KIF16B: variants seen among roughly 807,000 people sequenced by gnomAD.
The protein encoded by KIF16B is kinesin-like protein KIF16B.
In KIF16B, 98 loss-of-function variants were observed where a neutral mutation model predicts 156.3. The observed-to-expected ratio is 0.63, with a 90% CI of 0.53 to 0.74. The LOEUF is 0.74. KIF16B is among the 30% of genes least tolerant of loss of function. The pLI is 0.00. For synonymous variants in KIF16B, 564 were observed against 583.7 expected (o/e 0.97, Z 0.49); for missense variants, 1,421 against 1,606.5 (o/e 0.88, Z 1.97).
At chr20:16,536,968 A>G (rs1217457524) in intron 1 of KIF16B, among the ~76,000 whole-genome samples, 1 of 151,990 alleles carries the variant, frequency 6.6e-6, no homozygotes, top group East Asian at 1.9e-4. Context: ...TCAGTTACCT[A>G]GTCCCTTCCA....
chr20:16,312,511 G>A, intron 24 of KIF16B, 93 bp from the exon 25 acceptor site: 1 of 987,114 alleles, frequency 1.0e-6, no homozygotes, highest in Non-Finnish European at 1.5e-6. Flanking sequence ...CTTCCATGGG[G>A]TGAAAAGAAA....
Position 16,378,891 on chromosome 20 carries a change from G to C in KIF16B, c.3111C>G (p.Ala1037=), listed in dbSNP as rs1289986658. ...GCTCTCTGCTGCCACTGTTCAGACTGGCAAGTTTCTGCCTCTGCTCTTCAA... is the reference window on the plus strand; with the variant it reads ...GCTCTCTGCTGCCACTGTTCAGACTCGCAAGTTTCTGCCTCTGCTCTTCAA... The part of the protein sequence containing the change: ...MEIEEQRQKL[A]SLNSGSREQS... The change falls in exon 19 of 26, where the codon GCC becomes GCG. Residue 1037 remains alanine, a synonymous_variant. Coordinates refer to ENST00000354981, the MANE Select transcript of KIF16B (RefSeq NM_024704.5). 2 of 1,613,898 alleles carry C rather than the reference G, an allele frequency of 1.2e-6. No homozygotes were observed. The highest frequency in any genetic ancestry group is 1.7e-6 in the Non-Finnish European group (2 of 1,179,948).
At chr20:16,501,231 G>T (rs567912323) in intron 10 of KIF16B, among the ~76,000 whole-genome samples, 2 of 151,178 alleles carry the variant, frequency 1.3e-5, no homozygotes, top group South Asian at 4.2e-4. Flanking sequence ...ACTGATGGTG[G>T]TCTATTAACT....
At chr20:16,348,448 T>C (rs2064273934) in intron 23 of KIF16B, among the ~76,000 whole-genome samples, 2 of 152,166 alleles carry the variant, frequency 1.3e-5, no homozygotes, top group Admixed American at 1.3e-4. Context: ...TTCTCCAAAT[T>C]TGTGGAAATG....
At chr20:16,307,278 A>G (rs2063554835) in intron 25 of KIF16B, among the ~76,000 whole-genome samples, 1 of 152,236 alleles carries the variant, frequency 6.6e-6, no homozygotes, top group Non-Finnish European at 1.5e-5. Context: ...ATTTCCAAGT[A>G]GATAATAATG....
At chr20:16,483,728 T>C (rs1439679304) in intron 12 of KIF16B, among the ~76,000 whole-genome samples, 1 of 151,988 alleles carries the variant, frequency 6.6e-6, no homozygotes, top group African/African-American at 2.4e-5. Flanking sequence ...AATCATAAAT[T>C]ATTGATCCAG....
intron 12 of KIF16B, among the ~76,000 whole-genome samples, chr20:16,473,872 A>G (rs2067733421): frequency 6.6e-6 from 1 of 152,248 alleles, no homozygotes; most frequent in Admixed American, 6.5e-5. Context: ...TGTCTTCAGA[A>G]TAAATGTCCA....
chr20:16,504,934 A>AC (rs2068730177), intron 9 of KIF16B, among the ~76,000 whole-genome samples: 1 of 152,098 alleles, frequency 6.6e-6, no homozygotes, highest in African/African-American at 2.4e-5. Flanking sequence ...TCTGGAAAAA[A>AC]AAACAGAATA....
chr20:16,457,838 C>A (rs981592746), intron 12 of KIF16B, among the ~76,000 whole-genome samples: 1 of 151,858 alleles, frequency 6.6e-6, no homozygotes, highest in Non-Finnish European at 1.5e-5. Flanking sequence ...GCCACGCCGG[C>A]ACACTGGTCC....
In KIF16B at chr20:16,272,600, T is replaced by G. The variant is rs564663533; in HGVS notation, c.*653A>C. The G allele has an allele frequency of 6.5e-6, 1 of 152,744 alleles. No individual in the cohort carries two copies. Among genetic ancestry groups the G allele is most frequent in the East Asian group, 1.9e-4 (1 of 5,188 alleles). The allele number at this position is 152,744 out of a possible 1,614,324, so 9.5% of individuals were successfully genotyped here. A position where few individuals can be genotyped will look rare whatever the true frequency, so the allele number is the denominator to read the frequency against. On this transcript the variant is annotated 3_prime_UTR_variant, in exon 26 of 26. Transcript: ENST00000354981. The stretch of plus-strand genomic sequence containing the variant: ...CTAATTGTAGGGATTTATAGAAGTT[T>G]TAAGTAATGTTGTCTACATCCAATT...
At chr20:16,448,941 A>G (rs2067007444) in intron 12 of KIF16B, among the ~76,000 whole-genome samples, 1 of 152,136 alleles carries the variant, frequency 6.6e-6, no homozygotes, top group Non-Finnish European at 1.5e-5. Flanking sequence ...ACTCAGAATT[A>G]GATTCTATAT....
chr20:16,275,616 G>GT (rs2063049437), intron 25 of KIF16B, among the ~76,000 whole-genome samples: 1 of 152,138 alleles, frequency 6.6e-6, no homozygotes, highest in South Asian at 2.1e-4. Flanking sequence ...AACTCAAGAT[G>GT]TTTTTTCTTG....
intron 25 of KIF16B, among the ~76,000 whole-genome samples, chr20:16,298,907 T>TA (rs111405608): frequency 8.8e-4 from 122 of 138,830 alleles, no homozygotes; most frequent in Admixed American, 1.6e-3. Context: ...TGGTGAGTAA[T>TA]AAAAAAAAAA....
chr20:16,295,520 A>G (rs185681331), intron 25 of KIF16B, among the ~76,000 whole-genome samples: 77 of 150,188 alleles, frequency 5.1e-4, no homozygotes, highest in African/African-American at 1.7e-3. Flanking sequence ...ATCTACTGAC[A>G]CTTAAATCTA....
At chr20:16,478,129 G>T (rs758238059) in intron 12 of KIF16B, among the ~76,000 whole-genome samples, 9 of 152,170 alleles carry the variant, frequency 5.9e-5, no homozygotes, top group Non-Finnish European at 1.0e-4. Flanking sequence ...AGAGGCTGAG[G>T]ATATTAAATA....
chr20:16,418,301 G>C (rs888801834), intron 15 of KIF16B, among the ~76,000 whole-genome samples: 4 of 152,206 alleles, frequency 2.6e-5, no homozygotes, highest in Admixed American at 2.0e-4. Flanking sequence ...AAACACATGA[G>C]AAGTCAAATT....
intron 24 of KIF16B, among the ~76,000 whole-genome samples, chr20:16,331,892 T>C (rs567458831): frequency 3.3e-5 from 5 of 152,288 alleles, no homozygotes; most frequent in Admixed American, 6.5e-5. Context: ...AGGGCAATAA[T>C]AATTGACAAA....
At chr20:16,354,728 G>C (rs879469812) in intron 23 of KIF16B, among the ~76,000 whole-genome samples, 1 of 152,146 alleles carries the variant, frequency 6.6e-6, no homozygotes, top group South Asian at 2.1e-4. Flanking sequence ...GGTGGATCAC[G>C]AGCTCAGGAG....
intron 23 of KIF16B, among the ~76,000 whole-genome samples, chr20:16,354,162 T>A (rs1283441428): frequency 6.6e-6 from 1 of 152,234 alleles, no homozygotes; most frequent in East Asian, 1.9e-4. Context: ...ATTATTTGCT[T>A]GTAATTTTTA....
Sources: allele counts gnomAD v4.1 joint callset (sites outside exome capture counted in the v4.1 genomes callset), GRCh38; gene constraint gnomAD v4.1.1; transcripts MANE v1.5; gene names NCBI Gene and HGNC (gene_info 2026-07-23, HGNC 2026-07-21).